PMM2: variants seen among roughly 807,000 people sequenced by gnomAD.
PMM2 encodes mannose-6-phosphate isomerase.
A neutral mutation model predicts 33.2 loss-of-function variants in PMM2; 35 were observed. The observed-to-expected ratio is 1.06, with a 90% CI of 0.81 to 1.40. The LOEUF (loss-of-function observed/expected upper bound fraction) is 1.40. Among genes scored for constraint, PMM2 ranks in the 40% most tolerant of loss-of-function variants. PMM2 has a pLI of 0.00. For synonymous variants in PMM2, 153 were observed against 114.7 expected (o/e 1.33, Z -2.13); for missense variants, 386 against 306.0 (o/e 1.26, Z -1.95).
At chr16:8,843,132 A>T (rs183914530) in intron 7 of PMM2, among the ~76,000 whole-genome samples, 4 of 152,158 alleles carry the variant, frequency 2.6e-5, no homozygotes, top group African/African-American at 9.7e-5. Flanking sequence ...CTAAGTTGGC[A>T]CCAGAGTTGG....
intron 7 of PMM2, among the ~76,000 whole-genome samples, chr16:8,829,847 C>T (rs777298345): frequency 7.9e-5 from 12 of 152,214 alleles, no homozygotes; most frequent in South Asian, 2.1e-4. Context: ...ACACATACAG[C>T]AAAACACCTT....
chr16:8,806,348 C>T lies in PMM2; in HGVS notation c.288C>T (p.Ile96=), dbSNP rs532168899. Residue 96 remains isoleucine (I), a synonymous_variant, in exon 4 of 8, where the codon ATC becomes ATT. Transcript: ENST00000268261. The stretch of plus-strand genomic sequence containing the variant: ...AAAGTCATCTGGGTGAGGCCCTAAT[C>T]CAAGATTTAATCAACTACTGTCTGA... ...NIQSHLGEAL[I]QDLINYCLSY... 3 of 1,611,796 alleles carry T rather than the reference C, an allele frequency of 1.9e-6. No individual in the cohort carries two copies. Among genetic ancestry groups the T allele is most frequent in the African/African-American group, 1.3e-5 (1 of 74,982 alleles).
At chr16:8,835,380 G>T (rs1436202136) in intron 7 of PMM2, among the ~76,000 whole-genome samples, 1 of 152,004 alleles carries the variant, frequency 6.6e-6, no homozygotes, top group Non-Finnish European at 1.5e-5. Context: ...AAGTAGTGGG[G>T]GCTGTCTGTG....
intron 1 of PMM2, among the ~76,000 whole-genome samples, chr16:8,799,876 C>G (rs1217268599): frequency 6.6e-6 from 1 of 152,158 alleles, no homozygotes; most frequent in East Asian, 1.9e-4. Flanking sequence ...ATTCTAGATT[C>G]TGTCTAATAG....
intron 7 of PMM2, among the ~76,000 whole-genome samples, chr16:8,846,937 T>C (rs2060929490): frequency 6.6e-6 from 1 of 152,170 alleles, no homozygotes; most frequent in Middle Eastern, 3.4e-3. Context: ...GATCTCGGCT[T>C]ACTGCAACTT....
chr16:8,826,392 T>A (rs939482277), intron 7 of PMM2, among the ~76,000 whole-genome samples: 26 of 152,134 alleles, frequency 1.7e-4, no homozygotes, highest in African/African-American at 5.6e-4. Context: ...AAAGTCTGAC[T>A]CTCTCTGGCC....
At chr16:8,813,740 G>C (rs953722841) in intron 7 of PMM2, among the ~76,000 whole-genome samples, 1 of 152,210 alleles carries the variant, frequency 6.6e-6, no homozygotes, top group East Asian at 1.9e-4. Flanking sequence ...AATGCCCCCA[G>C]GTGTCCTCTC....
chr16:8,803,139 C>A (rs2060625600), intron 2 of PMM2, among the ~76,000 whole-genome samples: 1 of 152,146 alleles, frequency 6.6e-6, no homozygotes, highest in South Asian at 2.1e-4. Context: ...AAATTACCCC[C>A]GTTTGAGAAC....
chr16:8,820,904 C>G (rs2060735358), intron 7 of PMM2, among the ~76,000 whole-genome samples: 1 of 152,244 alleles, frequency 6.6e-6, no homozygotes, highest in Non-Finnish European at 1.5e-5. Context: ...CACCTTCCTA[C>G]ACACCTTCCA....
At chr16:8,819,614 G>A (rs2141028623) in intron 7 of PMM2, among the ~76,000 whole-genome samples, 1 of 151,456 alleles carries the variant, frequency 6.6e-6, no homozygotes, top group Non-Finnish European at 1.5e-5. Flanking sequence ...AGGATTACTT[G>A]AGCCTAGGAG....
At chr16:8,830,369 CAG>C (rs1027123959) in intron 7 of PMM2, among the ~76,000 whole-genome samples, 43 of 152,342 alleles carry the variant, frequency 2.8e-4, no homozygotes, top group African/African-American at 1.0e-3. Context: ...CTAATTCACA[CAG>C]AGCCAGCTGT....
rs1180724566 is a variant in PMM2, at chr16:8,847,692, G to GAAA, written c.640-32_640-31insAAA. ...AGCAATGGCCCGGGACAGACGAGGG[G>GAAA]GAGCCTTCATCTGTACTTCGTGTCT... On this transcript the variant is annotated intron_variant, in intron 7 of 7. Coordinates refer to ENST00000268261, the MANE Select transcript of PMM2 (RefSeq NM_000303.3). The GAAA allele has an allele frequency of 2.0e-6, 3 of 1,496,988 alleles. No individual in the cohort carries two copies. The African/African-American group carries it at 4.1e-5, about 21-fold the overall frequency. 92.7% of individuals were successfully genotyped at this position (1,496,988 alleles called of 1,614,324 possible). A position where few individuals can be genotyped will look rare whatever the true frequency, so the allele number is the denominator to read the frequency against.
chr16:8,803,884 A>G (rs765018471), intron 2 of PMM2, among the ~76,000 whole-genome samples: 1 of 150,648 alleles, frequency 6.6e-6, no homozygotes, highest in African/African-American at 2.4e-5. Context: ...GGGTTTTACC[A>G]TGTTGGCCAG....
intron 7 of PMM2, among the ~76,000 whole-genome samples, chr16:8,845,460 A>T (rs572568862): frequency 6.6e-6 from 1 of 152,264 alleles, no homozygotes; most frequent in South Asian, 2.1e-4. Flanking sequence ...GCCTGACAGT[A>T]GGTGTTCTAG....
intron 4 of PMM2, 78 bp from the exon 5 acceptor site, chr16:8,811,001 A>G: frequency 1.2e-6 from 1 of 834,994 alleles, no homozygotes; most frequent in Non-Finnish European, 2.0e-6. Context: ...GAATTTCCCA[A>G]GATTTTAGGC....
intron 7 of PMM2, among the ~76,000 whole-genome samples, chr16:8,841,227 G>C (rs1375858297): frequency 6.6e-6 from 1 of 151,046 alleles, no homozygotes; most frequent in Non-Finnish European, 1.5e-5. Flanking sequence ...GAAACTGCTT[G>C]GGTGATTTGA....
chr16:8,827,829 T>C (rs1360866226), intron 7 of PMM2, among the ~76,000 whole-genome samples: 2 of 94,238 alleles, frequency 2.1e-5, no homozygotes, highest in Non-Finnish European at 4.3e-5. Context: ...ATATATATTA[T>C]ATATATTGTA....
chr16:8,808,343 T>C (rs1156754938), intron 4 of PMM2: 1 of 152,120 alleles, frequency 6.6e-6, no homozygotes, highest in Admixed American at 6.6e-5. Context: ...GTTCCATTTT[T>C]ACTTTGGGCT....
At chr16:8,829,928 A>T (rs1387825358) in intron 7 of PMM2, among the ~76,000 whole-genome samples, 2 of 152,202 alleles carry the variant, frequency 1.3e-5, no homozygotes, top group Non-Finnish European at 2.9e-5. Context: ...TTCTCTGTAC[A>T]ATTAGGGCAG....
Sources: allele counts gnomAD v4.1 joint callset (sites outside exome capture counted in the v4.1 genomes callset), GRCh38; gene constraint gnomAD v4.1.1; transcripts MANE v1.5; gene names NCBI Gene and HGNC (gene_info 2026-07-23, HGNC 2026-07-21).